The following FAAH2 variants were observed in gnomAD, a reference collection of about 807,000 sequenced individuals.
FAAH2 encodes the protein fatty acid amide hydrolase 2, also known as fatty-acid amide hydrolase 2.
A neutral mutation model predicts 36.9 loss-of-function variants in FAAH2; 60 were observed. That is an observed-to-expected ratio of 1.63 (90% CI 1.32 to 2.02). The LOEUF (loss-of-function observed/expected upper bound fraction) is 2.02, where lower values mean the gene tolerates loss of function less well. Among genes scored for constraint, FAAH2 ranks in the 30% most tolerant of loss-of-function variants. The probability of loss-of-function intolerance (pLI) is 0.00; values close to 1 mark genes in which losing one functional copy is unlikely to be tolerated. For synonymous variants in FAAH2, 214 were observed against 143.8 expected (o/e 1.49, Z -3.49); for missense variants, 689 against 397.5 (o/e 1.73, Z -6.23).
chrX:57,334,945 A>T (rs1191084407), intron 4 of FAAH2, among the ~76,000 whole-genome samples: 3 of 111,745 alleles, frequency 2.7e-5, no homozygotes, highest in Non-Finnish European at 5.6e-5. Flanking sequence ...GATCATTGAG[A>T]CAGAAAATTA....
intron 10 of FAAH2, among the ~76,000 whole-genome samples, chrX:57,458,274 G>C (rs2056897151): frequency 8.9e-6 from 1 of 111,964 alleles, no homozygotes; most frequent in African/African-American, 3.2e-5. Context: ...ATCTCTACCT[G>C]TCACCATATA....
the FAAH2 span, among the ~76,000 whole-genome samples, chrX:57,201,804 A>G: frequency 9.0e-6 from 1 of 111,426 alleles, no homozygotes; most frequent in South Asian, 3.8e-4. Flanking sequence ...GCTATTTTCA[A>G]GATCCTGTAG....
chrX:57,261,200 C>A, the FAAH2 span, among the ~76,000 whole-genome samples: 1 of 111,038 alleles, frequency 9.0e-6, no homozygotes, highest in African/African-American at 3.3e-5. Context: ...TTCTAATGAG[C>A]AATTAAAGGG....
chrX:57,432,972 A>C (rs1205002501), intron 8 of FAAH2, among the ~76,000 whole-genome samples: 1 of 109,026 alleles, frequency 9.2e-6, no homozygotes, highest in Non-Finnish European at 1.9e-5. Context: ...TCTACCTTAA[A>C]AAAAAAAAAA....
chrX:57,296,909 G>A (rs924994597), intron 2 of FAAH2, among the ~76,000 whole-genome samples: 1 of 110,322 alleles, frequency 9.1e-6, no homozygotes, highest in East Asian at 2.9e-4. Context: ...AGAGAAAAAG[G>A]AATAAAAAGA....
chrX:57,121,611 G>C, the FAAH2 span: 1 of 112,445 alleles, frequency 8.9e-6, no homozygotes, highest in African/African-American at 3.2e-5. Flanking sequence ...CAAACACCCG[G>C]CTCTCCTCTC....
chrX:57,421,404 A>G (rs2056023270), intron 7 of FAAH2, among the ~76,000 whole-genome samples: 1 of 112,052 alleles, frequency 8.9e-6, no homozygotes, highest in African/African-American at 3.2e-5. Flanking sequence ...GTGACCCATA[A>G]CATAATACCA....
At chrX:57,148,575 G>A in the FAAH2 span, among the ~76,000 whole-genome samples, 2 of 111,591 alleles carry the variant, frequency 1.8e-5, no homozygotes, top group Non-Finnish European at 3.8e-5. Flanking sequence ...TGTTATTGGT[G>A]TATAAGAATG....
At chrX:57,155,284 G>A in the FAAH2 span, among the ~76,000 whole-genome samples, 1 of 111,656 alleles carries the variant, frequency 9.0e-6, no homozygotes, top group African/African-American at 3.3e-5. Context: ...GGACCATCTA[G>A]TGGGGCAGGG....
At chrX:57,365,087 C>A (rs899436619) in intron 5 of FAAH2, among the ~76,000 whole-genome samples, 6 of 110,996 alleles carry the variant, frequency 5.4e-5, no homozygotes, top group African/African-American at 2.0e-4. Context: ...TTCCAGAATA[C>A]CTTGGTTTGT....
intron 8 of FAAH2, among the ~76,000 whole-genome samples, chrX:57,444,547 T>C (rs192678187): frequency 2.8e-3 from 318 of 111,692 alleles, no homozygotes; most frequent in African/African-American, 9.7e-3. Flanking sequence ...CTCCGACCCC[T>C]TGTGCTTCCC....
At chrX:57,221,619 C>T in the FAAH2 span, among the ~76,000 whole-genome samples, 2 of 111,566 alleles carry the variant, frequency 1.8e-5, no homozygotes, top group Non-Finnish European at 3.8e-5. Flanking sequence ...ACCTCAGGCT[C>T]ATTAACCAAG....
chrX:57,431,771 G>GTTTTTTTTTTTTTTTT lies in FAAH2; in HGVS notation c.997-140_997-139insTTTTTTTTTTTTTTTT, dbSNP rs1218617071. On this transcript the variant is annotated intron_variant, in intron 7 of 10. Coordinates refer to ENST00000374900, the MANE Select transcript of FAAH2 (RefSeq NM_174912.4). Reference sequence around the variant, plus strand: ...TGTTTTGTTTTGTTTTTGTTTTTTTGTTTTTTTGTTTTTTTGTTTTTTTTG... The same window carrying GTTTTTTTTTTTTTTTT: ...TGTTTTGTTTTGTTTTTGTTTTTTTGTTTTTTTTTTTTTTTTTTTTTTTGTTTTTTTGTTTTTTTTG... The GTTTTTTTTTTTTTTTT allele has an allele frequency of 2.0e-5, 4 of 202,061 alleles. No homozygotes were observed. The African/African-American group carries it at 2.0e-4, about 10-fold the overall frequency. The allele number at this position is 202,061 out of a possible 1,213,427, so 16.7% of individuals were successfully genotyped here. A position where few individuals can be genotyped will look rare whatever the true frequency, so the allele number is the denominator to read the frequency against.
intron 2 of FAAH2, among the ~76,000 whole-genome samples, chrX:57,300,720 G>A (rs1163306172): frequency 2.7e-5 from 3 of 111,614 alleles, no homozygotes; most frequent in Non-Finnish European, 3.8e-5. Flanking sequence ...ATCTGACAAA[G>A]GGCTAATATC....
chrX:57,189,760 G>A, the FAAH2 span, among the ~76,000 whole-genome samples: 7 of 111,698 alleles, frequency 6.3e-5, no homozygotes, highest in East Asian at 1.1e-3. Context: ...TCCTCTGGAA[G>A]CTTCATCCCA....
chrX:57,448,820 A>C (rs7059676), intron 10 of FAAH2, 102 bp downstream of exon 10: 255,224 of 806,143 alleles, frequency 0.32, 31,021 homozygotes, highest in Middle Eastern at 0.62. Flanking sequence ...AGTTTTAAAC[A>C]TGCAGGTATA....
intron 5 of FAAH2, among the ~76,000 whole-genome samples, chrX:57,351,139 A>G (rs1238643855): frequency 1.8e-5 from 2 of 111,693 alleles, no homozygotes; most frequent in African/African-American, 6.5e-5. Context: ...TATATCAAGT[A>G]TCTTTTCAGA....
the FAAH2 span, among the ~76,000 whole-genome samples, chrX:57,188,619 C>T: frequency 9.1e-6 from 1 of 110,371 alleles, no homozygotes; most frequent in Non-Finnish European, 1.9e-5. Context: ...TTTGCTGTTG[C>T]TCCTGTAGTT....
At chrX:57,195,206 G>A in the FAAH2 span, among the ~76,000 whole-genome samples, 2 of 111,686 alleles carry the variant, frequency 1.8e-5, no homozygotes, top group African/African-American at 6.5e-5. Context: ...CATAGTGATC[G>A]TACTAGTTTA....
Sources: gnomAD v4.1 joint callset for allele counts (sites outside exome capture counted in the v4.1 genomes callset) on GRCh38, gnomAD v4.1.1 for gene constraint, MANE v1.5 for transcripts, NCBI Gene and HGNC (gene_info 2026-07-23, HGNC 2026-07-21) for gene names.